The following FSIP1 variants were observed in gnomAD, a reference collection of about 807,000 sequenced individuals.
FSIP1 encodes fibrous sheath interacting protein 1.
FSIP1 carries 65 observed loss-of-function variants against 60.9 expected under a neutral mutation model. The observed-to-expected ratio is 1.07, with a 90% confidence interval of 0.87 to 1.31. The LOEUF (loss-of-function observed/expected upper bound fraction) is 1.31. Among genes scored for constraint, FSIP1 ranks in the 40% most tolerant of loss-of-function variants. The pLI, the probability that FSIP1 is intolerant of heterozygous loss-of-function variation, is 0.00. For missense variants in FSIP1, 675 were observed against 665.5 expected (o/e 1.01, Z -0.16); for synonymous variants, 209 against 221.2 (o/e 0.94, Z 0.49).
Position 39,765,646 on chromosome 15 carries a change from T to C in FSIP1, c.411A>G (p.Lys137=), listed in dbSNP as rs1183759234. The change falls in exon 4 of 12, where the codon AAA becomes AAG. Residue 137 remains lysine (K), a synonymous_variant. Coordinates refer to ENST00000350221, the MANE Select transcript of FSIP1 (RefSeq NM_152597.5). ...KILAKKQRRE[K]EIKKQGLEMR... ...TTTCTAGACCTTGCTTCTTAATTTC[T>C]TTTTCTCTGCGTTGTTTCTTTGCCA... is the stretch of plus-strand genomic sequence containing the variant. The C allele has an allele frequency of 1.2e-6, 2 of 1,604,710 alleles. No individual in the cohort carries two copies. The highest frequency in any genetic ancestry group is 8.5e-7 in the Non-Finnish European group (1 of 1,175,876).
chr15:39,615,782 A>T (rs1891207426), intron 11 of FSIP1, among the ~76,000 whole-genome samples: 1 of 151,748 alleles, frequency 6.6e-6, no homozygotes. Flanking sequence ...AATGGCAGTT[A>T]CCAGTGGCTG....
chr15:39,695,764 G>A (rs534942680), intron 10 of FSIP1, among the ~76,000 whole-genome samples: 8 of 152,296 alleles, frequency 5.3e-5, no homozygotes, highest in Middle Eastern at 3.4e-3. Context: ...TGCACACAAC[G>A]TAGAGATAGA....
chr15:39,749,275 A>AAAAAAAAAAAAAAAAAAAAC (rs1566912727), intron 5 of FSIP1, among the ~76,000 whole-genome samples: 1 of 150,970 alleles, frequency 6.6e-6, no homozygotes, highest in Non-Finnish European at 1.5e-5. Flanking sequence ...AAAAAAAAAA[A>AAAAAAAAAAAAAAAAAAAAC]ACCAGGCTAG....
intron 10 of FSIP1, among the ~76,000 whole-genome samples, chr15:39,627,569 CT>C (rs1263910017): frequency 2.0e-5 from 3 of 152,090 alleles, no homozygotes; most frequent in African/African-American, 7.2e-5. Context: ...CACATGGCAG[CT>C]CTCTGCATAT....
chr15:39,756,013 C>T (rs1177660251), intron 5 of FSIP1, among the ~76,000 whole-genome samples: 1 of 152,038 alleles, frequency 6.6e-6, no homozygotes, highest in Admixed American at 6.6e-5. Context: ...AGTGACCCCT[C>T]AGTAATGGGA....
intron 10 of FSIP1, among the ~76,000 whole-genome samples, chr15:39,684,701 T>A (rs577860282): frequency 6.6e-6 from 1 of 152,336 alleles, no homozygotes; most frequent in Non-Finnish European, 1.5e-5. Flanking sequence ...CCTTAACATT[T>A]CTTAATCAAA....
At chr15:39,682,542 GC>G (rs1157422056) in intron 10 of FSIP1, among the ~76,000 whole-genome samples, 1 of 152,188 alleles carries the variant, frequency 6.6e-6, no homozygotes, top group African/African-American at 2.4e-5. Context: ...GCAAGCTGGG[GC>G]TCCCCGGATG....
chr15:39,677,696 G>T (rs559661394), intron 10 of FSIP1, among the ~76,000 whole-genome samples: 2 of 152,134 alleles, frequency 1.3e-5, no homozygotes, highest in East Asian at 3.8e-4. Flanking sequence ...CACAAGGAAC[G>T]TAGTACTAGG....
At position 39,602,497 on chromosome 15, in the gene FSIP1, C is replaced by A. The variant is rs1411551602; in HGVS notation, c.1700-1571G>T. On this transcript the variant is annotated intron_variant, in intron 11 of 11. Coordinates refer to ENST00000350221, the MANE Select transcript of FSIP1 (RefSeq NM_152597.5). ...ATATGAATTATATCTCAATAAAGTT[C>A]TTATTAAAAAAAGACTCAACCTTGT... 1.6e-5 allele frequency: 6 copies of A among 366,270 alleles called. No individual in the cohort carries two copies. In the Admixed American group the frequency reaches 1.7e-4, roughly 10 times the overall value. The allele number at this position is 366,270 out of a possible 1,614,324, so 22.7% of individuals were successfully genotyped here. A position where few individuals can be genotyped will look rare whatever the true frequency, so the allele number is the denominator to read the frequency against.
At chr15:39,675,263 T>C (rs1893892715) in intron 10 of FSIP1, among the ~76,000 whole-genome samples, 1 of 152,196 alleles carries the variant, frequency 6.6e-6, no homozygotes, top group East Asian at 1.9e-4. Flanking sequence ...GAAGGCATTA[T>C]TGCATTATCT....
chr15:39,606,622 C>T (rs940845526), intron 11 of FSIP1, among the ~76,000 whole-genome samples: 1 of 152,146 alleles, frequency 6.6e-6, no homozygotes, highest in Non-Finnish European at 1.5e-5. Context: ...TCCCTGCTAA[C>T]TTATACAATT....
chr15:39,689,112 A>G (rs948153995), intron 10 of FSIP1, among the ~76,000 whole-genome samples: 1 of 152,116 alleles, frequency 6.6e-6, no homozygotes, highest in Non-Finnish European at 1.5e-5. Context: ...GACTCCCAGA[A>G]CTCAGGAAAA....
Position 39,618,207 on chromosome 15 carries a change from CTT to C in FSIP1, c.1225_1226del (p.Lys409ValfsTer5). On this transcript the variant is annotated frameshift_variant, in exon 11 of 12. Transcript: ENST00000350221. LOFTEE classifies it high-confidence loss of function. Reference sequence around the variant, plus strand: ...TAAGTATGCATTCATCCAGAAGACACTTTAACTGTTCTTCAGAGAGACATGAT... The same window carrying C: ...TAAGTATGCATTCATCCAGAAGACACTAACTGTTCTTCAGAGAGACATGAT... The part of the protein sequence containing the change: ...STSCLSEEQL[K>X]CLLDECILKQ... 4 of 1,611,506 alleles carry C rather than the reference CTT, an allele frequency of 2.5e-6. No homozygotes were observed. The highest frequency in any genetic ancestry group is 3.4e-6 in the Non-Finnish European group (4 of 1,177,920).
chr15:39,609,791 A>T (rs1890960086), intron 11 of FSIP1, among the ~76,000 whole-genome samples: 1 of 152,230 alleles, frequency 6.6e-6, no homozygotes, highest in African/African-American at 2.4e-5. Flanking sequence ...CCCAGCCAGT[A>T]GCTCCACCTT....
rs1200734113 is a variant in FSIP1, at chr15:39,738,017, G to C, written c.891+74C>G. 3.6e-6 allele frequency: 3 copies of C among 823,716 alleles called. No individual in the cohort carries two copies. In the East Asian group the frequency reaches 8.3e-5, roughly 23 times the overall value. 51.0% of individuals were successfully genotyped at this position (823,716 alleles called of 1,614,324 possible). On this transcript the variant is annotated intron_variant, in intron 8 of 11. Transcript: ENST00000350221. ...ATCCGAAAAATTATTGTAAATTTAT[G>C]ATACTGGGCCAATAATATTATTTTT...
chr15:39,736,800 G>A lies in FSIP1; in HGVS notation c.891+1291C>T, dbSNP rs953018081. Among the ~76,000 whole-genome samples the A allele has an allele frequency of 2.0e-5, 3 of 152,226 alleles. No individual in the cohort carries two copies. The East Asian group carries it at 5.8e-4, about 29-fold the overall frequency. On this transcript the variant is annotated intron_variant, in intron 8 of 11. Transcript: ENST00000350221. ...AAACAGCCGAGGGCAAGGGCACAGG[G>A]CCAAGCGAGGATGTGGTCTCAGCTG...
At chr15:39,624,540 G>A (rs144757262) in intron 10 of FSIP1, among the ~76,000 whole-genome samples, 13 of 152,208 alleles carry the variant, frequency 8.5e-5, no homozygotes, top group Admixed American at 2.6e-4. Flanking sequence ...AAAAATCAAG[G>A]GGGAAAAATA....
At chr15:39,755,446 T>C (rs1033582235) in intron 5 of FSIP1, among the ~76,000 whole-genome samples, 3 of 152,052 alleles carry the variant, frequency 2.0e-5, no homozygotes, top group African/African-American at 7.2e-5. Context: ...ACCAAGACAG[T>C]GAAGGTCTTG....
rs569014114 is a variant in FSIP1, at chr15:39,750,609, T to C, written c.560-8709A>G. ...ATCCAAAGGAATGAAATTACACTCT[T>C]ATCTTACCTCATACACAAAAATCAA... On this transcript the variant is annotated intron_variant, in intron 5 of 11. Transcript: ENST00000350221. Among the ~76,000 whole-genome samples, 7 of 152,086 alleles carry C rather than the reference T, an allele frequency of 4.6e-5. No individual in the cohort carries two copies. In the East Asian group the frequency reaches 1.4e-3, roughly 29 times the overall value.
Sources: allele counts gnomAD v4.1 joint callset (sites outside exome capture counted in the v4.1 genomes callset), GRCh38; gene constraint gnomAD v4.1.1; transcripts MANE v1.5; gene names NCBI Gene and HGNC (gene_info 2026-07-23, HGNC 2026-07-21).